Variants in HS6ST3 observed in about 807,000 individuals in gnomAD.
HS6ST3 encodes the protein heparan sulfate 6-O-sulfotransferase 3.
In HS6ST3, 12 loss-of-function variants were observed where a neutral mutation model predicts 36.7. The ratio of observed to expected loss-of-function variants is 0.33; its 90% CI spans 0.21 to 0.53. The LOEUF (loss-of-function observed/expected upper bound fraction) is 0.53. HS6ST3 is among the 20% of genes least tolerant of loss of function. HS6ST3 has a pLI of 0.95. For missense variants in HS6ST3, 584 were observed against 640.9 expected (o/e 0.91, Z 0.96); for synonymous variants, 240 against 257.5 (o/e 0.93, Z 0.65).
At chr13:96,109,305 G>A (rs973167618) in intron 1 of HS6ST3, among the ~76,000 whole-genome samples, 1 of 152,158 alleles carries the variant, frequency 6.6e-6, no homozygotes, top group Non-Finnish European at 1.5e-5. Flanking sequence ...CTGTGACTCA[G>A]CAGATCGTAT....
At chr13:96,106,468 G>A (rs1195108144) in intron 1 of HS6ST3, among the ~76,000 whole-genome samples, 2 of 152,200 alleles carry the variant, frequency 1.3e-5, no homozygotes, top group African/African-American at 4.8e-5. Context: ...CAGTGTGAGT[G>A]AGCTTGGAAA....
chr13:96,188,416 A>G (rs181321444), intron 1 of HS6ST3, among the ~76,000 whole-genome samples: 237 of 147,658 alleles, frequency 1.6e-3, no homozygotes, highest in African/African-American at 4.9e-3. Context: ...GGAGTTCAAG[A>G]TCGGCCTGAG....
intron 1 of HS6ST3, among the ~76,000 whole-genome samples, chr13:96,671,257 A>ATTCTT (rs1420912039): frequency 2.0e-5 from 3 of 152,024 alleles, no homozygotes; most frequent in African/African-American, 4.8e-5. Flanking sequence ...ACCCTCCCAA[A>ATTCTT]TTCTTTTGAA....
At chr13:96,412,407 G>A (rs572628595) in intron 1 of HS6ST3, among the ~76,000 whole-genome samples, 1 of 152,240 alleles carries the variant, frequency 6.6e-6, no homozygotes, top group South Asian at 2.1e-4. Context: ...GTCAAGGGTG[G>A]GAAGGAGAAC....
chr13:96,245,167 A>T (rs952742149), intron 1 of HS6ST3, among the ~76,000 whole-genome samples: 3 of 152,146 alleles, frequency 2.0e-5, no homozygotes, highest in African/African-American at 4.8e-5. Flanking sequence ...ACTTGCAAAC[A>T]ATGGGATTAT....
chr13:96,640,905 T>G (rs190288916), intron 1 of HS6ST3, among the ~76,000 whole-genome samples: 1 of 152,146 alleles, frequency 6.6e-6, no homozygotes, highest in Non-Finnish European at 1.5e-5. Flanking sequence ...GTTCTAGTAG[T>G]CTGTATGTCT....
At chr13:96,248,286 G>GT (rs1002694503) in intron 1 of HS6ST3, among the ~76,000 whole-genome samples, 6 of 152,120 alleles carry the variant, frequency 3.9e-5, no homozygotes, top group African/African-American at 1.4e-4. Context: ...GGCTCAGGTT[G>GT]TTTTAAAGTG....
chr13:96,634,185 A>G (rs948991019), intron 1 of HS6ST3, among the ~76,000 whole-genome samples: 1 of 152,170 alleles, frequency 6.6e-6, no homozygotes, highest in East Asian at 1.9e-4. Context: ...AAGCCACCCC[A>G]TCTATGATCT....
chr13:96,635,936 G>A (rs937129453), intron 1 of HS6ST3, among the ~76,000 whole-genome samples: 16 of 152,104 alleles, frequency 1.1e-4, no homozygotes, highest in Non-Finnish European at 2.1e-4. Context: ...TAAAGCAGAG[G>A]AAAGGATCAG....
intron 1 of HS6ST3, among the ~76,000 whole-genome samples, chr13:96,216,243 A>G (rs907229626): frequency 1.3e-5 from 2 of 152,202 alleles, no homozygotes; most frequent in Admixed American, 1.3e-4. Flanking sequence ...GCCTATTTTA[A>G]TGGTTTGCAT....
intron 1 of HS6ST3, among the ~76,000 whole-genome samples, chr13:96,224,442 C>A (rs1245611755): frequency 4.6e-5 from 7 of 152,104 alleles, no homozygotes; most frequent in Non-Finnish European, 8.8e-5. Context: ...CTACCTCAGC[C>A]TGCAGAGTAG....
At chr13:96,525,601 AT>A (rs2056110759) in intron 1 of HS6ST3, among the ~76,000 whole-genome samples, 2 of 152,198 alleles carry the variant, frequency 1.3e-5, no homozygotes, top group African/African-American at 4.8e-5. Flanking sequence ...GTCTTTAATT[AT>A]CTGTTTTGCT....
At chr13:96,178,495 T>TAC (rs1566900708) in intron 1 of HS6ST3, among the ~76,000 whole-genome samples, 18 of 151,758 alleles carry the variant, frequency 1.2e-4, no homozygotes, top group Non-Finnish European at 2.2e-4. Flanking sequence ...CTATACACTG[T>TAC]GCTGGTAAAT....
At chr13:96,238,551 A>T (rs1251980768) in intron 1 of HS6ST3, among the ~76,000 whole-genome samples, 1 of 152,222 alleles carries the variant, frequency 6.6e-6, no homozygotes, top group South Asian at 2.1e-4. Flanking sequence ...TCAGAGAGGC[A>T]TTCCTCAAGC....
At chr13:96,723,248 T>C (rs1425055718) in intron 1 of HS6ST3, among the ~76,000 whole-genome samples, 1 of 152,112 alleles carries the variant, frequency 6.6e-6, no homozygotes, top group Non-Finnish European at 1.5e-5. Flanking sequence ...CAGGAGACCT[T>C]AGGAAACAGT....
intron 1 of HS6ST3, among the ~76,000 whole-genome samples, chr13:96,584,229 C>T (rs888460591): frequency 1.3e-5 from 2 of 152,086 alleles, no homozygotes; most frequent in Non-Finnish European, 1.5e-5. Flanking sequence ...CTGCAGCCTT[C>T]GCCTCCTGAG....
chr13:96,103,619 A>G (rs1566882432), intron 1 of HS6ST3, among the ~76,000 whole-genome samples: 1 of 152,206 alleles, frequency 6.6e-6, no homozygotes, highest in Admixed American at 6.5e-5. Context: ...TTCGTAAATT[A>G]TACAGTACTG....
At chr13:96,669,193 C>A (rs933971900) in intron 1 of HS6ST3, among the ~76,000 whole-genome samples, 1 of 152,054 alleles carries the variant, frequency 6.6e-6, no homozygotes, top group Non-Finnish European at 1.5e-5. Flanking sequence ...TAGGTATAAA[C>A]CCTATATGGA....
chr13:96,782,783 G>A (rs535896721), intron 1 of HS6ST3, among the ~76,000 whole-genome samples: 1 of 152,002 alleles, frequency 6.6e-6, no homozygotes, highest in East Asian at 1.9e-4. Flanking sequence ...CACCCAGCAG[G>A]CCCATTTTAA....
Sources: allele counts gnomAD v4.1 joint callset (sites outside exome capture counted in the v4.1 genomes callset), GRCh38; gene constraint gnomAD v4.1.1; transcripts MANE v1.5; gene names NCBI Gene and HGNC (gene_info 2026-07-23, HGNC 2026-07-21).